RBFOX1: variants seen among roughly 807,000 people sequenced by gnomAD.
The protein encoded by RBFOX1 is RNA binding protein fox-1 homolog 1.
Under a neutral mutation model 57.7 loss-of-function variants are expected in RBFOX1, and 8 were observed. That is an observed-to-expected ratio of 0.14 (90% CI 0.08 to 0.25). RBFOX1 has a LOEUF of 0.25. RBFOX1 is among the 10% of genes least tolerant of loss of function. The pLI is 1.00. For missense variants in RBFOX1, 611 were observed against 548.5 expected (o/e 1.11, Z -1.14); for synonymous variants, 326 against 222.4 (o/e 1.47, Z -4.15).
At position 6,626,486 on chromosome 16, in the gene RBFOX1, A is replaced by C. The variant is rs527344062; in HGVS notation, c.-63-28117A>C. ...TTAAGGTACAGAATTCACGCTGGGC[A>C]TGGTGGCTTATGCCTGTAATCCCAG... On this transcript the variant is annotated intron_variant, in intron 2 of 15. Coordinates refer to ENST00000550418, the MANE Select transcript of RBFOX1 (RefSeq NM_018723.4). Among the ~76,000 whole-genome samples the C allele has an allele frequency of 6.6e-5, 10 of 152,316 alleles. 1 individual carries two copies. Among genetic ancestry groups the C allele is most frequent in the African/African-American group, 2.4e-4 (10 of 41,580 alleles).
intron 3 of RBFOX1, among the ~76,000 whole-genome samples, chr16:7,042,042 A>G (rs2046348980): frequency 6.6e-6 from 1 of 152,172 alleles, no homozygotes; most frequent in Admixed American, 6.6e-5. Context: ...CATTGGGGAG[A>G]AAACTGGATC....
At chr16:6,515,838 C>G (rs896657669) in intron 2 of RBFOX1, among the ~76,000 whole-genome samples, 1 of 152,096 alleles carries the variant, frequency 6.6e-6, no homozygotes, top group Non-Finnish European at 1.5e-5. Flanking sequence ...CCCTAATGGC[C>G]TCTTGGGTGA....
intron 3 of RBFOX1, among the ~76,000 whole-genome samples, chr16:5,626,959 T>G (rs1021982404): frequency 6.6e-6 from 1 of 152,228 alleles, no homozygotes; most frequent in Admixed American, 6.5e-5. Context: ...CCCAGTCAGT[T>G]CAGATAAATC....
intron 4 of RBFOX1, among the ~76,000 whole-genome samples, chr16:5,882,014 A>G (rs1449145910): frequency 6.6e-6 from 1 of 152,194 alleles, no homozygotes; most frequent in Non-Finnish European, 1.5e-5. Flanking sequence ...TACATACTTA[A>G]TCTCAATTAT....
intron 4 of RBFOX1, among the ~76,000 whole-genome samples, chr16:7,479,640 T>G (rs1283070957): frequency 2.0e-5 from 3 of 152,116 alleles, no homozygotes; most frequent in Non-Finnish European, 4.4e-5. Context: ...GGATGCAGCT[T>G]CTTCTGCTTT....
chr16:6,635,365 G>T (rs906056188), intron 2 of RBFOX1, among the ~76,000 whole-genome samples: 61 of 152,078 alleles, frequency 4.0e-4, no homozygotes, highest in African/African-American at 1.4e-3. Flanking sequence ...ATAAGTACAA[G>T]TGAAATCATT....
chr16:5,324,183 C>G (rs973447414), intron 1 of RBFOX1, among the ~76,000 whole-genome samples: 1 of 152,218 alleles, frequency 6.6e-6, no homozygotes, highest in Admixed American at 6.5e-5. Context: ...GAGAATTCTG[C>G]TGGGTGCTGT....
At chr16:7,510,755 G>A (rs2074862140) in intron 4 of RBFOX1, among the ~76,000 whole-genome samples, 1 of 152,154 alleles carries the variant, frequency 6.6e-6, no homozygotes, top group African/African-American at 2.4e-5. Flanking sequence ...CTGTCAGCAA[G>A]ACTGAAAACT....
intron 4 of RBFOX1, among the ~76,000 whole-genome samples, chr16:5,958,493 G>A (rs1290158340): frequency 3.9e-5 from 6 of 152,148 alleles, no homozygotes; most frequent in African/African-American, 9.7e-5. Context: ...TATTAGGTGC[G>A]TGATATTAAA....
intron 4 of RBFOX1, among the ~76,000 whole-genome samples, chr16:7,376,663 C>G (rs1037895201): frequency 1.3e-5 from 2 of 152,120 alleles, no homozygotes; most frequent in African/African-American, 4.8e-5. Context: ...ATCATCGGTG[C>G]TTTTTGTTTT....
At chr16:7,160,679 G>A (rs9929658) in intron 4 of RBFOX1, among the ~76,000 whole-genome samples, 141,924 of 152,130 alleles carry the variant, frequency 0.93, 66,322 homozygotes, top group East Asian at 1. Context: ...CTTCATCTTA[G>A]TTTTCCTGGG....
chr16:6,680,023 A>G (rs2154120609), intron 3 of RBFOX1, among the ~76,000 whole-genome samples: 1 of 151,876 alleles, frequency 6.6e-6, no homozygotes, highest in South Asian at 2.1e-4. Context: ...AATATGACAG[A>G]GTTCAACCCA....
At chr16:6,062,150 C>A (rs2095695124) in intron 1 of RBFOX1, among the ~76,000 whole-genome samples, 1 of 152,132 alleles carries the variant, frequency 6.6e-6, no homozygotes, top group Non-Finnish European at 1.5e-5. Flanking sequence ...AGCTTCCTTG[C>A]CGTCTCTGGG....
intron 3 of RBFOX1, among the ~76,000 whole-genome samples, chr16:6,760,825 C>T (rs974843084): frequency 2.6e-5 from 4 of 152,124 alleles, no homozygotes; most frequent in African/African-American, 9.7e-5. Flanking sequence ...GAACCAACAC[C>T]AACAGTGTGT....
At chr16:5,283,492 G>A (rs56047042) in intron 1 of RBFOX1, among the ~76,000 whole-genome samples, 20,533 of 152,070 alleles carry the variant, frequency 0.14, 1,720 homozygotes, top group East Asian at 0.28. Flanking sequence ...TCCAGGAGGG[G>A]TGTTATACCC....
chr16:5,834,982 C>T (rs571617221), intron 3 of RBFOX1, among the ~76,000 whole-genome samples: 1 of 152,128 alleles, frequency 6.6e-6, no homozygotes, highest in South Asian at 2.1e-4. Flanking sequence ...GTAAGTGTTC[C>T]CTTTGAGATA....
At chr16:6,728,710 A>G (rs776354607) in intron 3 of RBFOX1, among the ~76,000 whole-genome samples, 10 of 152,160 alleles carry the variant, frequency 6.6e-5, no homozygotes, top group Non-Finnish European at 1.2e-4. Flanking sequence ...AATCAGAGGC[A>G]TTTTATATTT....
chr16:6,169,326 G>A (rs1412625903), intron 1 of RBFOX1, among the ~76,000 whole-genome samples: 1 of 152,028 alleles, frequency 6.6e-6, no homozygotes, highest in East Asian at 1.9e-4. Context: ...ATCACGTTGG[G>A]GAAAGACGAG....
intron 1 of RBFOX1, among the ~76,000 whole-genome samples, chr16:5,293,620 C>A (rs991020516): frequency 6.6e-6 from 1 of 152,106 alleles, no homozygotes; most frequent in African/African-American, 2.4e-5. Flanking sequence ...CATTCATCAA[C>A]CAAATGGCCA....
Sources: gnomAD v4.1 joint callset for allele counts (sites outside exome capture counted in the v4.1 genomes callset) on GRCh38, gnomAD v4.1.1 for gene constraint, MANE v1.5 for transcripts, NCBI Gene and HGNC (gene_info 2026-07-23, HGNC 2026-07-21) for gene names.